The following NOL4 variants were observed in gnomAD, a reference collection of about 807,000 sequenced individuals.
NOL4 encodes the protein nucleolar protein 4.
Under a neutral mutation model 75.9 loss-of-function variants are expected in NOL4, and 17 were observed. That is an observed-to-expected ratio of 0.22 (90% CI 0.15 to 0.34). The LOEUF (loss-of-function observed/expected upper bound fraction) is 0.34, where lower values mean the gene tolerates loss of function less well. Among genes scored for constraint, NOL4 ranks in the 10% least tolerant of loss-of-function variants. The pLI, the probability that NOL4 is intolerant of heterozygous loss-of-function variation, is 1.00. For synonymous variants in NOL4, 292 were observed against 289.9 expected (o/e 1.01, Z -0.07); for missense variants, 614 against 793.5 (o/e 0.77, Z 2.72).
At chr18:33,884,328 A>G (rs2064501923) in intron 9 of NOL4, among the ~76,000 whole-genome samples, 1 of 151,996 alleles carries the variant, frequency 6.6e-6, no homozygotes, top group Non-Finnish European at 1.5e-5. Flanking sequence ...GCCGACTCCA[A>G]GCTGATTCCA....
chr18:34,155,877 A>C (rs549489377), intron 1 of NOL4, among the ~76,000 whole-genome samples: 4 of 152,156 alleles, frequency 2.6e-5, no homozygotes, highest in African/African-American at 9.7e-5. Flanking sequence ...TAAAAACTTC[A>C]TATCCATTTT....
rs181733051 is a variant in NOL4, at chr18:34,122,447, A to G, written c.414+7424T>C. Among the ~76,000 whole-genome samples the G allele has an allele frequency of 1.5e-4, 23 of 152,298 alleles. No individual in the cohort carries two copies. In the East Asian group the frequency reaches 4.4e-3, roughly 29 times the overall value. ...ATTACCTGATTAAGAGGGGGAAAAA[A>G]GCAATTTAGAACATCTGTTACCCCA... On this transcript the variant is annotated intron_variant, in intron 2 of 10. Transcript: ENST00000261592.
At chr18:34,178,009 T>A (rs2033700291) in intron 1 of NOL4, among the ~76,000 whole-genome samples, 1 of 151,848 alleles carries the variant, frequency 6.6e-6, no homozygotes, top group Non-Finnish European at 1.5e-5. Context: ...ACCTCTTTTT[T>A]CCTACCTAGC....
At chr18:34,179,591 A>G (rs962165778) in intron 1 of NOL4, among the ~76,000 whole-genome samples, 2 of 151,556 alleles carry the variant, frequency 1.3e-5, no homozygotes, top group African/African-American at 4.8e-5. Flanking sequence ...CTGTTTACCA[A>G]AAAAATAGAT....
rs2068609604 is a variant in NOL4, at chr18:33,943,150, G to C, written c.1457C>G (p.Ser486Ter). The C allele has an allele frequency of 6.2e-7, 1 of 1,610,170 alleles. No individual in the cohort carries two copies. Among genetic ancestry groups the C allele is most frequent in the Admixed American group, 1.7e-5 (1 of 59,662 alleles). ...AGCCAAGATACTCTCTGCAACTGCT[G>C]AAGTAAGGTGGGAAGGAATAGGTCG... ...MSRPIPSHLT[S>*]AVAESILASA... The change falls in exon 9 of 11, where the codon TCA becomes TGA. Residue 486 changes from serine (S) to a stop codon, truncating the protein, a stop_gained. Transcript: ENST00000261592. LOFTEE classifies it high-confidence loss of function.
chr18:34,053,023 G>C (rs2076686732), intron 5 of NOL4, among the ~76,000 whole-genome samples: 1 of 152,070 alleles, frequency 6.6e-6, no homozygotes, highest in African/African-American at 2.4e-5. Flanking sequence ...CCAACATTCT[G>C]TAAGCAGCTT....
chr18:33,990,112 G>C (rs1313258015), intron 6 of NOL4, among the ~76,000 whole-genome samples: 1 of 152,072 alleles, frequency 6.6e-6, no homozygotes, highest in African/African-American at 2.4e-5. Flanking sequence ...AGACTTTGAA[G>C]TGTATGATGA....
chr18:33,915,555 C>T (rs746559566), intron 9 of NOL4, among the ~76,000 whole-genome samples: 17 of 151,934 alleles, frequency 1.1e-4, no homozygotes, highest in Admixed American at 3.3e-4. Context: ...CGATGGGATG[C>T]AGTAAATAAG....
chr18:34,175,943 G>A (rs1339392088), intron 1 of NOL4, among the ~76,000 whole-genome samples: 1 of 151,708 alleles, frequency 6.6e-6, no homozygotes, highest in East Asian at 1.9e-4. Flanking sequence ...ATGGCACAAA[G>A]GAACAAGAAA....
chr18:34,149,842 G>A (rs1183453030), intron 1 of NOL4, among the ~76,000 whole-genome samples: 2 of 151,638 alleles, frequency 1.3e-5, no homozygotes, highest in Non-Finnish European at 3.0e-5. Context: ...ACCTAGAATT[G>A]TCCCTGGTAT....
intron 1 of NOL4, among the ~76,000 whole-genome samples, chr18:34,171,454 T>C (rs1467139376): frequency 6.6e-6 from 1 of 152,164 alleles, no homozygotes; most frequent in Non-Finnish European, 1.5e-5. Flanking sequence ...TGAGCCACCA[T>C]ATCACCTATG....
chr18:33,855,783 G>T (rs554987454), intron 10 of NOL4, among the ~76,000 whole-genome samples: 1 of 151,934 alleles, frequency 6.6e-6, no homozygotes, highest in African/African-American at 2.4e-5. Flanking sequence ...ATAAATTTCA[G>T]TTAAATGAAA....
intron 9 of NOL4, among the ~76,000 whole-genome samples, chr18:33,907,017 G>T (rs562229393): frequency 7.6e-4 from 116 of 152,204 alleles, no homozygotes; most frequent in African/African-American, 2.7e-3. Flanking sequence ...TTAGTTTTCA[G>T]ATTGCTACAA....
chr18:34,129,845 T>C (rs1568375051), intron 2 of NOL4, 26 bp downstream of exon 2: 2 of 1,514,138 alleles, frequency 1.3e-6, no homozygotes. Context: ...AAATGCATGC[T>C]CTTTTTTTTT....
chr18:34,101,954 T>C (rs1408529899), intron 4 of NOL4, among the ~76,000 whole-genome samples: 1 of 152,038 alleles, frequency 6.6e-6, no homozygotes, highest in Non-Finnish European at 1.5e-5. Flanking sequence ...TCTCCTATTT[T>C]CCTCTTCCTT....
chr18:33,963,041 C>G (rs2070282492), intron 6 of NOL4, among the ~76,000 whole-genome samples: 1 of 152,090 alleles, frequency 6.6e-6, no homozygotes, highest in Non-Finnish European at 1.5e-5. Context: ...TCATTTCTTG[C>G]CTCTCTTACC....
At chr18:33,933,128 T>C (rs1437183486) in intron 9 of NOL4, among the ~76,000 whole-genome samples, 1 of 152,168 alleles carries the variant, frequency 6.6e-6, no homozygotes, top group Non-Finnish European at 1.5e-5. Context: ...ACATGAACTT[T>C]TTGTTTTTCT....
intron 5 of NOL4, among the ~76,000 whole-genome samples, chr18:34,051,376 TA>T (rs1433190157): frequency 2.4e-4 from 36 of 152,262 alleles, no homozygotes; most frequent in Middle Eastern, 3.4e-3. Flanking sequence ...ATTCAATAAA[TA>T]AATATGTATT....
chr18:34,190,229 T>C (rs1331235816), intron 1 of NOL4, among the ~76,000 whole-genome samples: 1 of 151,844 alleles, frequency 6.6e-6, no homozygotes, highest in Non-Finnish European at 1.5e-5. Flanking sequence ...AACAGATTGA[T>C]TGATATTCAT....
Sources: gnomAD v4.1 joint callset for allele counts (sites outside exome capture counted in the v4.1 genomes callset) on GRCh38, gnomAD v4.1.1 for gene constraint, MANE v1.5 for transcripts, NCBI Gene and HGNC (gene_info 2026-07-23, HGNC 2026-07-21) for gene names.